RIOX2: variants seen among roughly 807,000 people sequenced by gnomAD.
RIOX2 encodes the protein 60S ribosomal protein L27a histidine hydroxylase.
RIOX2 carries 43 observed loss-of-function variants against 51.2 expected under a neutral mutation model. That is an observed-to-expected ratio of 0.84 (90% CI 0.66 to 1.08). The LOEUF (loss-of-function observed/expected upper bound fraction) is 1.08, where lower values mean the gene tolerates loss of function less well. RIOX2 is among the 50% of genes least tolerant of loss of function. The pLI is 0.00. For missense variants in RIOX2, 566 were observed against 561.7 expected (o/e 1.01, Z -0.08); for synonymous variants, 226 against 218.5 (o/e 1.03, Z -0.30).
chr3:97,962,050 G>C (rs146191171), intron 2 of RIOX2, among the ~76,000 whole-genome samples: 6 of 152,294 alleles, frequency 3.9e-5, no homozygotes, highest in Non-Finnish European at 7.4e-5. Context: ...CTGTAGAAAA[G>C]AGTGGAAGTC....
chr3:97,942,919 A>C lies in RIOX2; in HGVS notation c.*2265T>G, dbSNP rs574391115. On this transcript the variant is annotated 3_prime_UTR_variant, in exon 10 of 10. Coordinates refer to ENST00000394198, the MANE Select transcript of RIOX2 (RefSeq NM_153182.4). ...ACAGTTTTGTTGGTGTAGAAACAAA[A>C]ACACAGTACCTGACATTCAGCCAGA... The C allele has an allele frequency of 1.6e-3, 480 of 292,546 alleles. 1 individual carries two copies. Among genetic ancestry groups the C allele is most frequent in the Non-Finnish European group, 2.6e-3 (416 of 161,258 alleles). 18.1% of individuals were successfully genotyped at this position (292,546 alleles called of 1,614,324 possible).
chr3:97,960,248 T>C (rs184123267), intron 3 of RIOX2, among the ~76,000 whole-genome samples: 38 of 152,314 alleles, frequency 2.5e-4, no homozygotes, highest in Non-Finnish European at 4.9e-4. Context: ...TATTGTAGAT[T>C]AAGGCCTGCA....
intron 9 of RIOX2, 112 bp from the exon 10 acceptor site, chr3:97,945,454 A>G: frequency 1.1e-6 from 1 of 932,866 alleles, no homozygotes; most frequent in Non-Finnish European, 1.6e-6. Context: ...ACCCCTCATG[A>G]GTATTTTAGA....
chr3:97,952,296 A>G, intron 5 of RIOX2: 1 of 1,174,554 alleles, frequency 8.5e-7, no homozygotes, highest in African/African-American at 1.6e-5. Flanking sequence ...CACATTGATC[A>G]TGGTACCCAC....
chr3:97,966,454 G>T (rs902068958), intron 2 of RIOX2, among the ~76,000 whole-genome samples: 21 of 152,188 alleles, frequency 1.4e-4, no homozygotes, highest in African/African-American at 4.8e-4. Context: ...AAACAAATTA[G>T]TTCATACTAA....
chr3:97,969,573 A>G (rs1283906358), intron 1 of RIOX2, among the ~76,000 whole-genome samples: 1 of 152,182 alleles, frequency 6.6e-6, no homozygotes, highest in Non-Finnish European at 1.5e-5. Context: ...AAAATGTACA[A>G]TCATTACAGT....
chr3:97,957,871 G>A (rs868610476), intron 4 of RIOX2, among the ~76,000 whole-genome samples: 3 of 152,200 alleles, frequency 2.0e-5, no homozygotes, highest in East Asian at 1.9e-4. Flanking sequence ...TTTGGTTTGC[G>A]GGCCATGTGA....
chr3:97,945,410 G>T, intron 9 of RIOX2, 68 bp from the exon 10 acceptor site: 1 of 1,369,218 alleles, frequency 7.3e-7, no homozygotes. Flanking sequence ...GCATTTTCCT[G>T]TAAATTTATT....
intron 1 of RIOX2, among the ~76,000 whole-genome samples, chr3:97,969,325 A>G (rs1298904973): frequency 6.6e-6 from 1 of 152,212 alleles, no homozygotes; most frequent in Non-Finnish European, 1.5e-5. Flanking sequence ...ATTCTCCAGG[A>G]AAGAATTAAG....
chr3:97,942,530 T>C lies in RIOX2; in HGVS notation c.*2654A>G, dbSNP rs569325073. On this transcript the variant is annotated 3_prime_UTR_variant, in exon 10 of 10. Coordinates refer to ENST00000394198, the MANE Select transcript of RIOX2 (RefSeq NM_153182.4). ...TCATTTTGGGTAAAGGACATCCTTA[T>C]GTATAAGAGAAATGTTAAGTCATTT... 7.7e-6 allele frequency: 9 copies of C among 1,172,392 alleles called. No homozygotes were observed. The highest frequency in any genetic ancestry group is 2.5e-5 in the East Asian group (1 of 39,834). The allele number at this position is 1,172,392 out of a possible 1,614,324, so 72.6% of individuals were successfully genotyped here.
At chr3:97,959,536 T>C (rs1243680897) in intron 3 of RIOX2, among the ~76,000 whole-genome samples, 1 of 152,040 alleles carries the variant, frequency 6.6e-6, no homozygotes, top group African/African-American at 2.4e-5. Flanking sequence ...CAGAATGGTC[T>C]TGAACTCCTG....
intron 5 of RIOX2, 29 bp downstream of exon 5, chr3:97,954,363 A>G (rs1705376853): frequency 6.6e-7 from 1 of 1,512,346 alleles, no homozygotes; most frequent in African/African-American, 1.4e-5. Flanking sequence ...GAGCTGTCCT[A>G]GCATGTGCAG....
rs778808712 is a variant in RIOX2, at chr3:97,943,245, G to A, written c.*1939C>T. 45 of 1,581,268 alleles carry A rather than the reference G, an allele frequency of 2.8e-5. 1 individual carries two copies. The South Asian group carries it at 4.3e-4, about 15-fold the overall frequency. Reference sequence around the variant, plus strand: ...TTTTAGGAGGAAATTATTGTGACAAGACTCATGTAATTGTAAATCAGCCCC... The same window carrying A: ...TTTTAGGAGGAAATTATTGTGACAAAACTCATGTAATTGTAAATCAGCCCC... On this transcript the variant is annotated 3_prime_UTR_variant, in exon 10 of 10. Transcript: ENST00000394198.
intron 3 of RIOX2, among the ~76,000 whole-genome samples, chr3:97,959,520 G>A (rs1174453484): frequency 1.3e-5 from 2 of 151,898 alleles, no homozygotes; most frequent in Non-Finnish European, 2.9e-5. Flanking sequence ...GTGTCACTTT[G>A]TTGCCCAGAA....
intron 2 of RIOX2, among the ~76,000 whole-genome samples, chr3:97,966,058 C>T (rs1705879324): frequency 6.6e-6 from 1 of 152,190 alleles, no homozygotes; most frequent in African/African-American, 2.4e-5. Context: ...AATCAGGACT[C>T]ATCTTGAAAA....
intron 1 of RIOX2, among the ~76,000 whole-genome samples, chr3:97,969,917 T>C (rs1395272322): frequency 2.0e-5 from 3 of 152,186 alleles, no homozygotes; most frequent in Non-Finnish European, 1.5e-5. Flanking sequence ...AAGATGGCCT[T>C]GGGGACCACA....
Position 97,967,273 on chromosome 3 carries a change from A to G in RIOX2, c.321T>C (p.Asn107=). The G allele has an allele frequency of 6.2e-7, 1 of 1,614,164 alleles. No individual in the cohort carries two copies. The highest frequency in any genetic ancestry group is 2.2e-5 in the East Asian group (1 of 44,888). ...CTTTATTTAAAACCTTCTTCTTCCC[A>G]TTGACACACCGGCAGACATTCACAT... ...GRDVNVCRCV[N]GKKKVLNKDG... Residue 107 remains asparagine, a synonymous_variant, in exon 2 of 10, where the codon AAT becomes AAC. Coordinates refer to ENST00000394198, the MANE Select transcript of RIOX2 (RefSeq NM_153182.4).
rs2040369720 is a variant in RIOX2 at position 97,946,602 on chromosome 3, A to ATC, written c.1150-716_1150-715insGA. ...TTTGAGGATGTATATATATATATAT[A>ATC]TATATCTATTCATGTATATTCATAT... is the stretch of plus-strand genomic sequence containing the variant. On this transcript the variant is annotated intron_variant, in intron 8 of 9. Transcript: ENST00000394198. 4.4e-5 allele frequency among the ~76,000 whole-genome samples: 6 copies of ATC among 137,342 alleles called. No individual in the cohort carries two copies. In the South Asian group the frequency reaches 1.2e-3, roughly 28 times the overall value. The allele number at this position is 137,342 out of a possible 152,430, so 90.1% of individuals were successfully genotyped here. A position where few individuals can be genotyped will look rare whatever the true frequency, so the allele number is the denominator to read the frequency against.
intron 5 of RIOX2, chr3:97,953,904 G>T (rs1191540064): frequency 6.5e-6 from 1 of 154,462 alleles, no homozygotes; most frequent in Non-Finnish European, 1.4e-5. Context: ...GAGACCAAGA[G>T]ATTTCAATGG....
Sources: allele counts gnomAD v4.1 joint callset (sites outside exome capture counted in the v4.1 genomes callset), GRCh38; gene constraint gnomAD v4.1.1; transcripts MANE v1.5; gene names NCBI Gene and HGNC (gene_info 2026-07-23, HGNC 2026-07-21).